Variants in SASH1 observed in about 807,000 individuals in gnomAD.
SASH1 encodes SAM and SH3 domain-containing protein 1.
In SASH1, 44 loss-of-function variants were observed where a neutral mutation model predicts 125.2. The observed-to-expected ratio is 0.35, with a 90% CI of 0.28 to 0.45. The LOEUF (loss-of-function observed/expected upper bound fraction) is 0.45, where lower values mean the gene tolerates loss of function less well. Ranked by LOEUF, SASH1 falls within the 20% of genes least tolerant of loss-of-function variation. SASH1 has a pLI of 1.00. For missense variants in SASH1, 1,426 were observed against 1,614.5 expected, an observed-to-expected ratio of 0.88 and a Z score of 2.00; for synonymous variants, 639 against 649.1, an observed-to-expected ratio of 0.98 and a Z score of 0.24.
At position 148,544,722 on chromosome 6, in the gene SASH1, G is replaced by T. The variant is rs1392394374; in HGVS notation, c.3252G>T (p.Lys1084Asn). 6.2e-7 allele frequency: 1 copy of T among 1,610,250 alleles called. No homozygotes were observed. The highest frequency in any genetic ancestry group is 1.1e-5 in the South Asian group (1 of 90,364). Residue 1084 changes from lysine to asparagine, a missense_variant, in exon 18 of 20, where the codon AAG becomes AAT. By Grantham distance (94) the Lys-to-Asn change is moderately conservative. Transcript: ENST00000367467. The surrounding 1 kb of genome is among the most constrained non-coding windows in gnomAD (Gnocchi z 6.4). Reference sequence around the variant, plus strand: ...AGCTGGGCCCGGCTTTGACCAGGAAGGTCTCCTGTGCCCGGGGAGTGGATC... The same window carrying T: ...AGCTGGGCCCGGCTTTGACCAGGAATGTCTCCTGTGCCCGGGGAGTGGATC... The part of the protein sequence containing the change: ...GVKLGPALTR[K>N]VSCARGVDLE...
chr6:148,544,090 G>A lies in SASH1; in HGVS notation c.2620G>A (p.Ala874Thr), dbSNP rs764442213. 46 of 1,613,904 alleles carry A rather than the reference G, an allele frequency of 2.9e-5. No homozygotes were observed. The East Asian group carries it at 3.3e-4, about 12-fold the overall frequency. Residue 874 changes from alanine to threonine, a missense_variant, in exon 18 of 20, where the codon GCC becomes ACC. Physicochemically the swap from Ala to Thr is moderately conservative, Grantham distance 58 (BLOSUM62 0). This residue lies in a region of SASH1 where 634 missense variants were observed against 694.4 expected (regional missense o/e 0.91). Transcript: ENST00000367467. This position sits in a 1 kb window ranked among gnomAD's most constrained non-coding sequence, Gnocchi z 6.4. ...IVPEVPQKTT[A>T]SSTKAQPLEQ... ...ACCTGAAGTGCCACAGAAGACGACC[G>A]CCTCTTCCACGAAGGCCCAGCCCCT... is the stretch of plus-strand genomic sequence containing the variant.
At chr6:148,484,814 G>C (rs983822392) in intron 7 of SASH1, among the ~76,000 whole-genome samples, 1 of 152,050 alleles carries the variant, frequency 6.6e-6, no homozygotes, top group African/African-American at 2.4e-5. Context: ...GTGGTGCCAT[G>C]CCCCTGTAGT....
chr6:148,497,216 A>C (rs1256844012), intron 8 of SASH1, among the ~76,000 whole-genome samples: 1 of 152,212 alleles, frequency 6.6e-6, no homozygotes, highest in Non-Finnish European at 1.5e-5. Context: ...GGTTTTGAGA[A>C]ATGCCCGTTT....
intron 12 of SASH1, 94 bp downstream of exon 12, chr6:148,527,690 C>A: frequency 8.1e-7 from 1 of 1,237,412 alleles, no homozygotes; most frequent in Non-Finnish European, 1.1e-6. Context: ...GCTAAATACA[C>A]ATACTCCTTG....
At position 148,276,866 on chromosome 6, in the gene SASH1, C is replaced by G. The variant is rs576253303; in HGVS notation, n.74+4489C>G. On this transcript the variant is annotated intron_variant and non_coding_transcript_variant, in intron 1 of 3. Transcript: ENST00000367469. ...TTGGGAGGCTGAGGCAGGAGAGTCACTTGAAGCCAGGAGTTAGAGACAAGC... is the reference window on the plus strand; with the variant it reads ...TTGGGAGGCTGAGGCAGGAGAGTCAGTTGAAGCCAGGAGTTAGAGACAAGC... Among the ~76,000 whole-genome samples the G allele has an allele frequency of 2.0e-5, 3 of 152,156 alleles. No homozygotes were observed. The East Asian group carries it at 5.8e-4, about 29-fold the overall frequency.
At chr6:148,334,687 G>T (rs573071053) in intron 1 of SASH1, among the ~76,000 whole-genome samples, 2 of 149,708 alleles carry the variant, frequency 1.3e-5, no homozygotes, top group Non-Finnish European at 3.0e-5. Context: ...TGGCACGCGC[G>T]TGTAATCCTA....
At chr6:148,419,262 G>A (rs1784946589) in intron 2 of SASH1, among the ~76,000 whole-genome samples, 1 of 152,178 alleles carries the variant, frequency 6.6e-6, no homozygotes, top group Non-Finnish European at 1.5e-5. Flanking sequence ...GATGCTAATG[G>A]TTTCTCATTC....
At chr6:148,357,056 T>G (rs969638078) in intron 1 of SASH1, among the ~76,000 whole-genome samples, 1 of 152,248 alleles carries the variant, frequency 6.6e-6, no homozygotes, top group East Asian at 1.9e-4. Context: ...GCTGATTTGT[T>G]TGAGTTCCTT....
At chr6:148,289,846 G>T (rs905099651) in intron 1 of SASH1, among the ~76,000 whole-genome samples, 4 of 144,146 alleles carry the variant, frequency 2.8e-5, no homozygotes, top group Non-Finnish European at 4.6e-5. Context: ...GAGGAAAATG[G>T]TTTTTTTTGG....
intron 2 of SASH1, among the ~76,000 whole-genome samples, chr6:148,423,491 A>G (rs1224483631): frequency 6.6e-6 from 1 of 152,248 alleles, no homozygotes; most frequent in Non-Finnish European, 1.5e-5. Flanking sequence ...GTGACACTTC[A>G]TTAGTACAAA....
chr6:148,437,463 GC>G (rs1474001801), intron 2 of SASH1, among the ~76,000 whole-genome samples: 1 of 152,176 alleles, frequency 6.6e-6, no homozygotes, highest in Non-Finnish European at 1.5e-5. Context: ...TCAGTAAGCT[GC>G]CCTTGATAAA....
intron 2 of SASH1, among the ~76,000 whole-genome samples, chr6:148,408,140 C>CTTTTTTTTTT (rs35856337): frequency 8.4e-6 from 1 of 119,240 alleles, no homozygotes; most frequent in Non-Finnish European, 1.7e-5. Flanking sequence ...GGCATCTTTC[C>CTTTTTTTTTT]TTTTTTTTTT....
intron 1 of SASH1, among the ~76,000 whole-genome samples, chr6:148,330,512 T>A (rs1780961567): frequency 6.6e-6 from 1 of 152,244 alleles, no homozygotes; most frequent in South Asian, 2.1e-4. Context: ...GCTGCACTTT[T>A]AAGTCTTTTC....
At chr6:148,204,524 T>C in the SASH1 span, among the ~76,000 whole-genome samples, 3 of 152,082 alleles carry the variant, frequency 2.0e-5, no homozygotes. Context: ...AAACCCCATT[T>C]CTACTAAAAA....
At chr6:148,479,491 C>T (rs1296823932) in intron 7 of SASH1, 9 of 173,402 alleles carry the variant, frequency 5.2e-5, no homozygotes, top group Admixed American at 3.3e-4. Flanking sequence ...AAAAAGTAGC[C>T]TTAAAGTAGC....
chr6:148,530,060 C>T (rs1781422671), intron 12 of SASH1, among the ~76,000 whole-genome samples: 3 of 152,174 alleles, frequency 2.0e-5, no homozygotes, highest in Admixed American at 2.0e-4. Context: ...CCACCTCAGC[C>T]TCCCAGAGTG....
At chr6:148,254,757 G>A in the SASH1 span, among the ~76,000 whole-genome samples, 2 of 152,176 alleles carry the variant, frequency 1.3e-5, no homozygotes, top group Non-Finnish European at 2.9e-5. Context: ...CATTGCTGGT[G>A]AGAATGTAAA....
chr6:148,313,551 T>C (rs1366748663), intron 1 of SASH1, among the ~76,000 whole-genome samples: 1 of 152,188 alleles, frequency 6.6e-6, no homozygotes, highest in Non-Finnish European at 1.5e-5. Flanking sequence ...GGACATTGAA[T>C]CAAATGGTTC....
chr6:148,359,171 T>C (rs937019432), intron 1 of SASH1, among the ~76,000 whole-genome samples: 1 of 152,186 alleles, frequency 6.6e-6, no homozygotes, highest in Non-Finnish European at 1.5e-5. Flanking sequence ...TGTTTTTGTT[T>C]TTCTTGAGAC....
Sources: gnomAD v4.1 joint callset for allele counts (sites outside exome capture counted in the v4.1 genomes callset) on GRCh38, gnomAD v4.1.1 for gene constraint, gnomAD v4.1.1 regional missense constraint, Gnocchi (gnomAD v3.1) non-coding constraint, MANE v1.5 for transcripts, NCBI Gene and HGNC (gene_info 2026-07-23, HGNC 2026-07-21) for gene names.